The following SCFD1 variants were observed in gnomAD, a reference collection of about 807,000 sequenced individuals.
SCFD1 encodes the protein sec1 family domain-containing protein 1.
A neutral mutation model predicts 103.2 loss-of-function variants in SCFD1; 37 were observed. The ratio of observed to expected loss-of-function variants is 0.36; its 90% CI spans 0.28 to 0.47. The LOEUF (loss-of-function observed/expected upper bound fraction) is 0.47. SCFD1 is among the 20% of genes least tolerant of loss of function. The pLI is 1.00. For missense variants in SCFD1, 639 were observed against 761.2 expected (o/e 0.84, Z 1.89); for synonymous variants, 264 against 245.0 (o/e 1.08, Z -0.73).
chr14:30,664,495 CCAAAG>C (rs2139170739), intron 10 of SCFD1, among the ~76,000 whole-genome samples: 1 of 152,228 alleles, frequency 6.6e-6, no homozygotes, highest in African/African-American at 2.4e-5. Context: ...CCCTTCTTCT[CCAAAG>C]GATTGCAGCT....
chr14:30,712,342 C>CAGAGT (rs1225940752), intron 19 of SCFD1, among the ~76,000 whole-genome samples: 7 of 152,162 alleles, frequency 4.6e-5, no homozygotes, highest in Admixed American at 6.5e-5. Flanking sequence ...GCTTCGACAT[C>CAGAGT]AGAGTATCAT....
chr14:30,663,544 G>A (rs942542859), intron 10 of SCFD1, among the ~76,000 whole-genome samples: 8 of 151,974 alleles, frequency 5.3e-5, no homozygotes, highest in Admixed American at 3.3e-4. Flanking sequence ...TAATATGAGG[G>A]GTCTATAGGA....
chr14:30,645,019 G>T (rs1712192686), intron 7 of SCFD1, among the ~76,000 whole-genome samples: 1 of 152,124 alleles, frequency 6.6e-6, no homozygotes, highest in Non-Finnish European at 1.5e-5. Context: ...TATGGTGAAA[G>T]GAAGGGGTTC....
chr14:30,673,277 A>C lies in SCFD1; in HGVS notation c.1016A>C (p.Glu339Ala). 6.3e-7 allele frequency: 1 copy of C among 1,595,756 alleles called. No homozygotes were observed. The highest frequency in any genetic ancestry group is 8.6e-7 in the Non-Finnish European group (1 of 1,169,564). ...TTTAGTCCATTCCCAGAAGTTGCAG[A>C]ATCAGTTCAGCAAGAACTAGAATCT... ...HKGSPFPEVA[E>A]SVQQELESYR... is the part of the protein sequence containing the mutation. The change falls in exon 12 of 25, where the codon GAA becomes GCA. Residue 339 changes from glutamate to alanine, a missense_variant. Transcript: ENST00000458591.
intron 10 of SCFD1, among the ~76,000 whole-genome samples, chr14:30,665,721 A>G (rs962214575): frequency 2.0e-5 from 3 of 152,152 alleles, no homozygotes; most frequent in African/African-American, 7.2e-5. Context: ...ATGGAAAGCA[A>G]AAAAAAGCAG....
At chr14:30,659,055 G>A (rs989561921) in intron 10 of SCFD1, among the ~76,000 whole-genome samples, 31 of 152,136 alleles carry the variant, frequency 2.0e-4, no homozygotes, top group African/African-American at 7.0e-4. Flanking sequence ...TTTAAAAATA[G>A]CAGTGTTTCA....
intron 10 of SCFD1, chr14:30,658,031 C>G (rs1301990710): frequency 1.1e-5 from 5 of 450,132 alleles, no homozygotes; most frequent in South Asian, 7.9e-5. Flanking sequence ...ATATAAGAAG[C>G]AAAATTAGTA....
chr14:30,673,254 T>C lies in SCFD1; in HGVS notation c.996-3T>C. ...TCATAGTTCTTGTGCAATACTGTTT[T>C]AGTCCATTCCCAGAAGTTGCAGAAT... is the stretch of plus-strand genomic sequence containing the variant. On this transcript the variant is annotated splice_polypyrimidine_tract_variant and splice_region_variant and intron_variant, in intron 11 of 24. Coordinates refer to ENST00000458591, the MANE Select transcript of SCFD1 (RefSeq NM_016106.4). 2.6e-6 allele frequency: 4 copies of C among 1,557,544 alleles called. No individual in the cohort carries two copies. The highest frequency in any genetic ancestry group is 3.5e-6 in the Non-Finnish European group (4 of 1,138,506).
intron 14 of SCFD1, among the ~76,000 whole-genome samples, chr14:30,693,031 T>C (rs1890430101): frequency 6.6e-6 from 1 of 152,194 alleles, no homozygotes; most frequent in African/African-American, 2.4e-5. Context: ...TCTAGGACTT[T>C]ACTGTGTATC....
At chr14:30,660,497 C>G (rs765808186) in intron 10 of SCFD1, among the ~76,000 whole-genome samples, 8 of 152,132 alleles carry the variant, frequency 5.3e-5, no homozygotes, top group Non-Finnish European at 8.8e-5. Flanking sequence ...CTCCATAAAT[C>G]TTTTACCTAA....
intron 10 of SCFD1, among the ~76,000 whole-genome samples, chr14:30,656,395 C>G (rs1886907679): frequency 6.6e-6 from 1 of 152,134 alleles, no homozygotes; most frequent in Non-Finnish European, 1.5e-5. Context: ...ACCAGGATTT[C>G]TCAACCTTGG....
intron 19 of SCFD1, among the ~76,000 whole-genome samples, chr14:30,709,838 G>C (rs1205680840): frequency 2.0e-5 from 3 of 152,154 alleles, no homozygotes; most frequent in Non-Finnish European, 4.4e-5. Flanking sequence ...TCTGCCTTTT[G>C]CTAGATAGAC....
chr14:30,638,261 G>T lies in SCFD1; in HGVS notation c.435+14G>T, dbSNP rs762394666. 1.2e-5 allele frequency: 20 copies of T among 1,612,760 alleles called. No individual in the cohort carries two copies. Among genetic ancestry groups the T allele is most frequent in the Middle Eastern group, 3.3e-4 (2 of 6,068 alleles). On this transcript the variant is annotated intron_variant, in intron 5 of 24. Transcript: ENST00000458591. ...CAAGTAGCCAAGGTAAGAGAGTTTG[G>T]TGGGTTGATGACATTTTGTCAATGT... is the stretch of plus-strand genomic sequence containing the variant.
At chr14:30,711,909 G>A (rs374590361) in intron 19 of SCFD1, among the ~76,000 whole-genome samples, 1 of 151,930 alleles carries the variant, frequency 6.6e-6, no homozygotes, top group Non-Finnish European at 1.5e-5. Context: ...GATTTGCCAC[G>A]AGTTAATACT....
At chr14:30,710,041 C>T (rs1891756649) in intron 19 of SCFD1, among the ~76,000 whole-genome samples, 1 of 152,048 alleles carries the variant, frequency 6.6e-6, no homozygotes, top group South Asian at 2.1e-4. Flanking sequence ...TGTTTTTGAA[C>T]TTACTACCTC....
At chr14:30,673,851 C>T in intron 12 of SCFD1, 73 bp from the exon 13 acceptor site, 1 of 1,018,912 alleles carries the variant, frequency 9.8e-7, no homozygotes, top group Non-Finnish European at 1.6e-6. Flanking sequence ...TTGCTCCAAT[C>T]TTAGGATGTG....
intron 20 of SCFD1, among the ~76,000 whole-genome samples, chr14:30,716,205 T>C (rs1239794925): frequency 6.6e-6 from 1 of 152,214 alleles, no homozygotes; most frequent in Admixed American, 6.5e-5. Flanking sequence ...CATTCAAATG[T>C]CATGTAGATT....
At chr14:30,732,704 C>G (rs927199935) in intron 23 of SCFD1, among the ~76,000 whole-genome samples, 1 of 152,214 alleles carries the variant, frequency 6.6e-6, no homozygotes, top group South Asian at 2.1e-4. Flanking sequence ...TTGGTTTATA[C>G]TAGTCCACAA....
At chr14:30,649,888 TC>T (rs987205011) in intron 8 of SCFD1, among the ~76,000 whole-genome samples, 17 of 152,236 alleles carry the variant, frequency 1.1e-4, no homozygotes, top group Admixed American at 5.2e-4. Flanking sequence ...ACTTATTTGA[TC>T]CCCCAGATTA....
Sources: gnomAD v4.1 joint callset for allele counts (sites outside exome capture counted in the v4.1 genomes callset) on GRCh38, gnomAD v4.1.1 for gene constraint, MANE v1.5 for transcripts, NCBI Gene and HGNC (gene_info 2026-07-23, HGNC 2026-07-21) for gene names.